Variants in TAF12 observed in about 807,000 individuals in gnomAD.
TAF12 encodes transcription initiation factor TFIID subunit 12.
Under a neutral mutation model 20.8 loss-of-function variants are expected in TAF12, and 3 were observed. That is an observed-to-expected ratio of 0.14 (90% CI 0.07 to 0.37). TAF12 has a LOEUF of 0.37. Among genes scored for constraint, TAF12 ranks in the 10% least tolerant of loss-of-function variants. The pLI is 1.00. For synonymous variants in TAF12, 69 were observed against 70.2 expected (o/e 0.98, Z 0.09); for missense variants, 131 against 197.9 (o/e 0.66, Z 2.03).
intron 4 of TAF12, among the ~76,000 whole-genome samples, chr1:28,612,887 G>A (rs906848172): frequency 1.3e-4 from 20 of 152,134 alleles, no homozygotes; most frequent in Admixed American, 1.3e-4. Flanking sequence ...CCTACTTTGT[G>A]CAGGCCCTGT....
In TAF12 at chr1:28,622,043, G is replaced by A. The variant is rs1427677727; in HGVS notation, c.39C>T (p.Ser13=). Residue 13 remains serine (S), a synonymous_variant, in exon 2 of 6, where the codon TCC becomes TCT. Coordinates refer to ENST00000373824, the MANE Select transcript of TAF12 (RefSeq NM_005644.4). ...GTTCCGGTTTTATGGATGAGAAATT[G>A]GAGAGGTTGATTAGGGCTGAGGGGC... is the stretch of plus-strand genomic sequence containing the variant. ...QFGPSALINL[S]NFSSIKPEPA... The A allele has an allele frequency of 6.2e-7, 1 of 1,614,010 alleles. No individual in the cohort carries two copies. The highest frequency in any genetic ancestry group is 1.1e-5 in the South Asian group (1 of 91,066).
chr1:28,621,573 A>AGATG (rs913327110), intron 2 of TAF12, among the ~76,000 whole-genome samples: 5 of 152,206 alleles, frequency 3.3e-5, no homozygotes, highest in African/African-American at 9.6e-5. Context: ...TAGTGTGTAC[A>AGATG]GATGGATGGA....
chr1:28,636,401 G>A (rs1314453909), intron 1 of TAF12, among the ~76,000 whole-genome samples: 1 of 152,054 alleles, frequency 6.6e-6, no homozygotes, highest in African/African-American at 2.4e-5. Flanking sequence ...AGCAGTATCT[G>A]GGTTTAAGTA....
intron 1 of TAF12, among the ~76,000 whole-genome samples, chr1:28,627,677 A>AAC (rs1553129030): frequency 6.6e-6 from 1 of 151,254 alleles, no homozygotes; most frequent in Non-Finnish European, 1.5e-5. Context: ...AAAAAAAAAA[A>AAC]AAAAAAAAAA....
intron 1 of TAF12, 140 bp downstream of exon 1, chr1:28,642,852 C>T: frequency 1.0e-6 from 1 of 985,942 alleles, no homozygotes; most frequent in South Asian, 4.7e-5. Context: ...TCCTCTCAGT[C>T]AGTCCCTTCC....
intron 3 of TAF12, among the ~76,000 whole-genome samples, chr1:28,614,206 C>T (rs577281274): frequency 6.6e-6 from 1 of 151,856 alleles, no homozygotes; most frequent in African/African-American, 2.4e-5. Flanking sequence ...ACACTGTACT[C>T]CAGCCTGGCG....
At position 28,628,457 on chromosome 1, in the gene TAF12, A is replaced by AAAGTAGATT. The variant is rs755388694; in HGVS notation, c.-84-6301_-84-6293dup. On this transcript the variant is annotated intron_variant, in intron 1 of 5. Coordinates refer to ENST00000373824, the MANE Select transcript of TAF12 (RefSeq NM_005644.4). ...CCAGAATAGGCAAACCCATAGACAGAAAGTAGATTAGTTGTTGCCTATGGC... is the reference window on the plus strand; with the variant it reads ...CCAGAATAGGCAAACCCATAGACAGAAAGTAGATTAAGTAGATTAGTTGTTGCCTATGGC... Among the ~76,000 whole-genome samples, 286 of 152,236 alleles carry AAAGTAGATT rather than the reference A, an allele frequency of 1.9e-3. 1 individual carries two copies. The highest frequency in any genetic ancestry group is 6.7e-3 in the African/African-American group (277 of 41,542).
intron 2 of TAF12, among the ~76,000 whole-genome samples, chr1:28,620,467 G>A (rs534409048): frequency 2.7e-5 from 4 of 147,348 alleles, no homozygotes; most frequent in East Asian, 4.1e-4. Context: ...ACAGAGTCTC[G>A]CTCTGTCGCC....
intron 1 of TAF12, among the ~76,000 whole-genome samples, chr1:28,636,263 C>T (rs1667819602): frequency 6.6e-6 from 1 of 152,144 alleles, no homozygotes; most frequent in East Asian, 1.9e-4. Flanking sequence ...TTTGGGAGGA[C>T]AACATGGGAG....
At chr1:28,613,679 T>A (rs1666937747) in intron 3 of TAF12, among the ~76,000 whole-genome samples, 1 of 152,240 alleles carries the variant, frequency 6.6e-6, no homozygotes, top group African/African-American at 2.4e-5. Context: ...TCACAGTATC[T>A]TAAAAGCACT....
chr1:28,623,314 G>T (rs1403571616), intron 1 of TAF12, among the ~76,000 whole-genome samples: 1 of 152,050 alleles, frequency 6.6e-6, no homozygotes, highest in Non-Finnish European at 1.5e-5. Flanking sequence ...CTGAGGTCAG[G>T]AGTTTGAGAC....
At position 28,605,389 on chromosome 1, in the gene TAF12, T is replaced by C. The variant is rs144276665; in HGVS notation, c.433A>G (p.Thr145Ala). ...EIRPYKKACT[T>A]EAHKQRMALI... The stretch of plus-strand genomic sequence containing the variant: ...TTCCTCACCTGTTTGTGAGCTTCTG[T>C]GGTGCAAGCTTTTTTGTAGGGTCGG... The change falls in exon 5 of 6, where the codon ACA becomes GCA. Residue 145 changes from threonine to alanine, a missense_variant. Physicochemically the swap from Thr to Ala is moderately conservative, Grantham distance 58. Around this residue, in one of 3 missense-constraint regions of TAF12, gnomAD observed 60 missense variants for 90.2 expected, o/e 0.66. Transcript: ENST00000373824. The C allele has an allele frequency of 5.6e-5, 90 of 1,613,978 alleles. No individual in the cohort carries two copies. In the Middle Eastern group the frequency reaches 9.9e-4, roughly 18 times the overall value.
rs13373794 is a variant in TAF12 at position 28,640,819 on chromosome 1, C to T, written c.-85+2173G>A. ...TCCAGCCAGGTGCAGTGGCTCATGC[C>T]TATAAGAACATTTTGGGAGGCCAAG... On this transcript the variant is annotated intron_variant, in intron 1 of 5. Coordinates refer to ENST00000373824, the MANE Select transcript of TAF12 (RefSeq NM_005644.4). Among the ~76,000 whole-genome samples the T allele has an allele frequency of 2.8e-3, 423 of 152,186 alleles. 1 individual carries two copies. Among genetic ancestry groups the T allele is most frequent in the African/African-American group, 9.9e-3 (410 of 41,528 alleles).
intron 1 of TAF12, among the ~76,000 whole-genome samples, chr1:28,632,921 T>C (rs539148768): frequency 3.2e-4 from 49 of 152,156 alleles, no homozygotes; most frequent in African/African-American, 1.1e-3. Flanking sequence ...TGGAGTGCAA[T>C]AGAACGATTT....
chr1:28,642,105 C>T (rs1478117683), intron 1 of TAF12, among the ~76,000 whole-genome samples: 1 of 152,096 alleles, frequency 6.6e-6, no homozygotes, highest in Non-Finnish European at 1.5e-5. Flanking sequence ...AAGCACTTAT[C>T]AAGTACATAA....
At chr1:28,646,334 G>A (rs1362409533), upstream of TAF12, 3 of 152,102 alleles carry the variant, frequency 2.0e-5, no homozygotes, top group Non-Finnish European at 4.4e-5. Flanking sequence ...GCAATTGACA[G>A]CACCATCTCT....
At chr1:28,640,378 G>A (rs563723984) in intron 1 of TAF12, among the ~76,000 whole-genome samples, 3 of 152,262 alleles carry the variant, frequency 2.0e-5, no homozygotes, top group East Asian at 3.9e-4. Flanking sequence ...TTTGTATAAC[G>A]ATTACTTCTA....
rs149786055 is a variant in TAF12 at position 28,635,731 on chromosome 1, A to C, written c.-85+7261T>G. 2.0e-5 allele frequency among the ~76,000 whole-genome samples: 3 copies of C among 152,096 alleles called. No individual in the cohort carries two copies. The East Asian group carries it at 5.8e-4, about 29-fold the overall frequency. ...CCCTATTATTGTATTGAGAGGGTCT[A>C]ATTTTTCATAGGGTAGGAATTAAGG... On this transcript the variant is annotated intron_variant, in intron 1 of 5. Coordinates refer to ENST00000373824, the MANE Select transcript of TAF12 (RefSeq NM_005644.4).
At chr1:28,639,702 T>G (rs1320380087) in intron 1 of TAF12, among the ~76,000 whole-genome samples, 1 of 152,166 alleles carries the variant, frequency 6.6e-6, no homozygotes, top group Non-Finnish European at 1.5e-5. Context: ...TGATCATTTA[T>G]ATATAATAGG....
Sources: gnomAD v4.1 joint callset for allele counts (sites outside exome capture counted in the v4.1 genomes callset) on GRCh38, gnomAD v4.1.1 for gene constraint, gnomAD v4.1.1 regional missense constraint, MANE v1.5 for transcripts, NCBI Gene and HGNC (gene_info 2026-07-23, HGNC 2026-07-21) for gene names.